Variants in COG3 observed in about 807,000 individuals in gnomAD.
COG3 encodes the protein conserved oligomeric Golgi complex subunit 3.
A neutral mutation model predicts 114.1 loss-of-function variants in COG3; 32 were observed. That is an observed-to-expected ratio of 0.28 (90% CI 0.21 to 0.38). The LOEUF is 0.38. COG3 is among the 10% of genes least tolerant of loss of function. The probability of loss-of-function intolerance (pLI) is 1.00; values close to 1 mark genes in which losing one functional copy is unlikely to be tolerated. For missense variants in COG3, 813 were observed against 973.2 expected (o/e 0.84, Z 2.19); for synonymous variants, 352 against 365.7 (o/e 0.96, Z 0.43).
At chr13:45,476,154 A>C (rs1323527268) in intron 1 of COG3, 47 bp from the exon 2 acceptor site, 1 of 1,590,304 alleles carries the variant, frequency 6.3e-7, no homozygotes, top group Admixed American at 1.7e-5. Context: ...TTAAGTTCAG[A>C]GAATTTTCAA....
chr13:45,488,697 A>G (rs1253471714), intron 8 of COG3, among the ~76,000 whole-genome samples: 5 of 152,144 alleles, frequency 3.3e-5, no homozygotes, highest in Non-Finnish European at 5.9e-5. Flanking sequence ...GCAGGAGTCC[A>G]TGATGTATTT....
chr13:45,526,636 A>G (rs1015721256), intron 20 of COG3, among the ~76,000 whole-genome samples: 3 of 152,210 alleles, frequency 2.0e-5, no homozygotes, highest in Non-Finnish European at 4.4e-5. Flanking sequence ...CATGATGCAG[A>G]CAAGGAACGT....
chr13:45,489,295 A>C (rs1886879679), intron 8 of COG3, among the ~76,000 whole-genome samples: 1 of 144,168 alleles, frequency 6.9e-6, no homozygotes, highest in Admixed American at 6.9e-5. Context: ...ACCAGTTTAA[A>C]GGAATTTTTT....
At chr13:45,492,098 C>A in intron 10 of COG3, 61 bp from the exon 11 acceptor site, 1 of 1,002,700 alleles carries the variant, frequency 1.0e-6, no homozygotes, top group Non-Finnish European at 1.5e-6. Flanking sequence ...GGCTTTATTT[C>A]ATAAACATCA....
At chr13:45,496,634 A>G (rs530964821) in intron 13 of COG3, among the ~76,000 whole-genome samples, 2 of 152,276 alleles carry the variant, frequency 1.3e-5, no homozygotes, top group South Asian at 4.1e-4. Context: ...AGAATTAAAA[A>G]TAGTTTGTTA....
chr13:45,497,135 A>AC (rs1427115126), intron 13 of COG3, among the ~76,000 whole-genome samples: 1 of 152,166 alleles, frequency 6.6e-6, no homozygotes, highest in Non-Finnish European at 1.5e-5. Flanking sequence ...TGATGATGTA[A>AC]CCGTGTGTCA....
rs185438366 is a variant in COG3, at chr13:45,514,032, A to G, written c.1810-2111A>G. Among the ~76,000 whole-genome samples, 119 of 152,112 alleles carry G rather than the reference A, an allele frequency of 7.8e-4. 1 individual carries two copies. The South Asian group carries it at 0.015, about 20-fold the overall frequency. ...GTGACTATGGATGATTTTTTCTCTC[A>G]TTCCCTATACATCTCTTTATTTTCT... On this transcript the variant is annotated intron_variant, in intron 16 of 22. Coordinates refer to ENST00000349995, the MANE Select transcript of COG3 (RefSeq NM_031431.4).
chr13:45,535,984 A>T lies in COG3; in HGVS notation c.*1253A>T, dbSNP rs773109664. On this transcript the variant is annotated 3_prime_UTR_variant, in exon 23 of 23. Coordinates refer to ENST00000349995, the MANE Select transcript of COG3 (RefSeq NM_031431.4). ...TTGGTGCAGTGGGTGCCTGTAACTC[A>T]TTAGACGTACTGAGGCAGCACTTCT... 2.1e-6 allele frequency: 1 copy of T among 482,248 alleles called. No individual in the cohort carries two copies. Among genetic ancestry groups the T allele is most frequent in the Non-Finnish European group, 2.7e-6 (1 of 368,546 alleles). 29.9% of individuals were successfully genotyped at this position (482,248 alleles called of 1,614,324 possible).
intron 19 of COG3, 58 bp downstream of exon 19, chr13:45,519,152 T>C: frequency 6.4e-7 from 1 of 1,572,762 alleles, no homozygotes; most frequent in Non-Finnish European, 8.7e-7. Context: ...TAGATTTCCT[T>C]TTGAATTACT....
intron 9 of COG3, 97 bp downstream of exon 9, chr13:45,491,055 C>T: frequency 1.2e-6 from 1 of 825,062 alleles, no homozygotes; most frequent in Non-Finnish European, 2.0e-6. Context: ...GAGCAATTGC[C>T]TTCCAGCTTG....
At chr13:45,523,334 A>G (rs1872367315) in intron 19 of COG3, among the ~76,000 whole-genome samples, 1 of 152,108 alleles carries the variant, frequency 6.6e-6, no homozygotes, top group Non-Finnish European at 1.5e-5. Context: ...AGTGCATGTA[A>G]TGGAGTTTGA....
intron 13 of COG3, among the ~76,000 whole-genome samples, chr13:45,499,353 G>T (rs1419206089): frequency 6.6e-5 from 10 of 152,098 alleles, no homozygotes; most frequent in Non-Finnish European, 8.8e-5. Context: ...TACTACTTTT[G>T]TTCTTAGAAT....
chr13:45,493,326 A>G, intron 11 of COG3, 21 bp from the exon 12 acceptor site: 1 of 1,589,756 alleles, frequency 6.3e-7, no homozygotes, highest in Non-Finnish European at 8.6e-7. Context: ...ACTAATAGAC[A>G]TTTTTATTCT....
chr13:45,491,231 A>T (rs1476859356), intron 9 of COG3, among the ~76,000 whole-genome samples, 181 bp from the exon 10 acceptor site: 1 of 152,192 alleles, frequency 6.6e-6, no homozygotes, highest in East Asian at 1.9e-4. Context: ...ATGGCATCAC[A>T]GTTCATTATG....
intron 1 of COG3, among the ~76,000 whole-genome samples, chr13:45,474,428 C>T (rs1488153823): frequency 6.6e-6 from 1 of 152,090 alleles, no homozygotes; most frequent in East Asian, 1.9e-4. Context: ...TCCCAAAGTG[C>T]TGGGATTACA....
chr13:45,536,370 T>C lies in COG3; in HGVS notation c.*1639T>C, dbSNP rs756852189. 2 of 152,196 alleles carry C rather than the reference T, an allele frequency of 1.3e-5. No homozygotes were observed. Among genetic ancestry groups the C allele is most frequent in the Non-Finnish European group, 2.9e-5 (2 of 68,034 alleles). 9.4% of individuals were successfully genotyped at this position (152,196 alleles called of 1,614,324 possible). A position where few individuals can be genotyped will look rare whatever the true frequency, so the allele number is the denominator to read the frequency against. ...AGCGGAGTGTGTTCTTATAAAAATA[T>C]TTAATGACATTGGTTCTTGTCTTTT... On this transcript the variant is annotated 3_prime_UTR_variant, in exon 23 of 23. Transcript: ENST00000349995.
intron 20 of COG3, among the ~76,000 whole-genome samples, chr13:45,527,067 C>G (rs1048235090): frequency 1.3e-5 from 2 of 152,098 alleles, no homozygotes; most frequent in African/African-American, 4.8e-5. Flanking sequence ...AAGGTAGAAA[C>G]CAGTACAGCT....
chr13:45,492,187 ATG>A lies in COG3; in HGVS notation c.1126_1127del (p.Val376LeufsTer4). The A allele has an allele frequency of 6.2e-7, 1 of 1,610,862 alleles. No homozygotes were observed. Among genetic ancestry groups the A allele is most frequent in the South Asian group, 1.1e-5 (1 of 90,614 alleles). On this transcript the variant is annotated frameshift_variant, in exon 11 of 23. Coordinates refer to ENST00000349995, the MANE Select transcript of COG3 (RefSeq NM_031431.4). LOFTEE classifies it high-confidence loss of function. ...CGTAGTGGCTGTGCCTTCATGGTTC[ATG>A]TCTGCCAGGATGAACACCAACTTTA...
rs535438335 is a variant in COG3 at position 45,534,754 on chromosome 13, C to T, written c.*23C>T. The stretch of plus-strand genomic sequence containing the variant: ...TAAGCAGGCCAGCCGGGCTGTGCAC[C>T]TAAATGTCTGTCTGGGAGGAGCAGG... On this transcript the variant is annotated 3_prime_UTR_variant, in exon 23 of 23. Coordinates refer to ENST00000349995, the MANE Select transcript of COG3 (RefSeq NM_031431.4). The T allele has an allele frequency of 1.9e-6, 3 of 1,551,552 alleles. No individual in the cohort carries two copies. The highest frequency in any genetic ancestry group is 2.6e-6 in the Non-Finnish European group (3 of 1,147,800).
Sources: allele counts gnomAD v4.1 joint callset (sites outside exome capture counted in the v4.1 genomes callset), GRCh38; gene constraint gnomAD v4.1.1; transcripts MANE v1.5; gene names NCBI Gene and HGNC (gene_info 2026-07-23, HGNC 2026-07-21).